ABCA13: variants seen among roughly 807,000 people sequenced by gnomAD.
The protein encoded by ABCA13 is ATP binding cassette subfamily A member 13, also known as ATP-binding cassette sub-family A member 13.
ABCA13 carries 476 observed loss-of-function variants against 478.7 expected under a neutral mutation model. That is an observed-to-expected ratio of 0.99 (90% CI 0.92 to 1.07). The LOEUF is 1.07. Ranked by LOEUF, ABCA13 falls within the 50% of genes least tolerant of loss-of-function variation. The pLI, the probability that ABCA13 is intolerant of heterozygous loss-of-function variation, is 0.00. For missense variants in ABCA13, 6,060 were observed against 5,910.6 expected (o/e 1.03, Z -0.83); for synonymous variants, 2,252 against 2,158.9 (o/e 1.04, Z -1.20).
At chr7:48,445,531 G>T (rs986775711) in intron 42 of ABCA13, among the ~76,000 whole-genome samples, 18 of 151,956 alleles carry the variant, frequency 1.2e-4, no homozygotes, top group African/African-American at 4.4e-4. Flanking sequence ...TCTTCTCCCT[G>T]CCTGGAATGC....
At chr7:48,529,406 G>A (rs1230127566) in intron 55 of ABCA13, among the ~76,000 whole-genome samples, 1 of 152,042 alleles carries the variant, frequency 6.6e-6, no homozygotes, top group Non-Finnish European at 1.5e-5. Context: ...AAGGCCCCAG[G>A]CATCTATCTT....
rs1301607990 is a variant in ABCA13 at position 48,466,960 on chromosome 7, G to C, written c.12820G>C (p.Gly4274Arg). The part of the protein sequence containing the change: ...QRAETYFFSS[G>R]GDNLDLTRVL... ...TTGTCTCACAATGAACAGCAGCAGT[G>C]GGGGCGACAACTTGGACCTCACCCG... The change falls in exon 44 of 62, where the codon GGG becomes CGG. Residue 4274 changes from glycine to arginine, a missense_variant. Gly to Arg is a moderately radical substitution (Grantham distance 125). Coordinates refer to ENST00000435803, the MANE Select transcript of ABCA13 (RefSeq NM_152701.5). 1.9e-6 allele frequency: 3 copies of C among 1,613,724 alleles called. No individual in the cohort carries two copies. The highest frequency in any genetic ancestry group is 1.1e-5 in the South Asian group (1 of 91,076).
chr7:48,297,977 G>A (rs181282383), intron 22 of ABCA13, among the ~76,000 whole-genome samples: 1,564 of 150,452 alleles, frequency 0.01, 13 homozygotes, highest in Admixed American at 0.022. Flanking sequence ...GTAGAGACAG[G>A]GTTTCACCAT....
At chr7:48,253,959 G>T (rs2128704526) in intron 15 of ABCA13, among the ~76,000 whole-genome samples, 1 of 151,512 alleles carries the variant, frequency 6.6e-6, no homozygotes, top group South Asian at 2.1e-4. Flanking sequence ...GTTCGTGTGT[G>T]TGTCCCAAAT....
intron 45 of ABCA13, among the ~76,000 whole-genome samples, chr7:48,475,539 C>T (rs1029429362): frequency 1.5e-5 from 2 of 137,454 alleles, no homozygotes; most frequent in Non-Finnish European, 3.2e-5. Flanking sequence ...GATCTCGACT[C>T]ACTGCCACCT....
At chr7:48,235,595 C>T (rs926734741) in intron 8 of ABCA13, among the ~76,000 whole-genome samples, 29 of 152,194 alleles carry the variant, frequency 1.9e-4, no homozygotes, top group African/African-American at 6.8e-4. Flanking sequence ...GGTCAGATGC[C>T]TGAAATGGTC....
intron 15 of ABCA13, among the ~76,000 whole-genome samples, chr7:48,255,407 C>T (rs892100052): frequency 2.0e-5 from 3 of 152,138 alleles, no homozygotes; most frequent in African/African-American, 7.2e-5. Context: ...GATCCCATCA[C>T]CCAGGTAGTG....
intron 42 of ABCA13, among the ~76,000 whole-genome samples, chr7:48,449,457 C>A (rs1408665310): frequency 6.6e-6 from 1 of 152,090 alleles, no homozygotes; most frequent in Non-Finnish European, 1.5e-5. Context: ...TATACCAGAA[C>A]AAAGATTGAA....
chr7:48,533,627 C>G (rs1195290697), intron 55 of ABCA13, among the ~76,000 whole-genome samples: 1 of 151,940 alleles, frequency 6.6e-6, no homozygotes, highest in Non-Finnish European at 1.5e-5. Flanking sequence ...TGCTATCTGT[C>G]TCATTTTTTA....
At chr7:48,537,084 A>C (rs1254436441) in intron 55 of ABCA13, among the ~76,000 whole-genome samples, 1 of 151,988 alleles carries the variant, frequency 6.6e-6, no homozygotes, top group African/African-American at 2.4e-5. Flanking sequence ...TATTTTCCAG[A>C]TTCTGACTTT....
intron 48 of ABCA13, among the ~76,000 whole-genome samples, chr7:48,502,189 A>G (rs1830813462): frequency 1.3e-5 from 2 of 152,230 alleles, no homozygotes; most frequent in South Asian, 4.1e-4. Flanking sequence ...TTGGGGAATT[A>G]CTAACTACAG....
intron 42 of ABCA13, among the ~76,000 whole-genome samples, chr7:48,454,580 G>C (rs1487631432): frequency 6.6e-6 from 1 of 152,144 alleles, no homozygotes; most frequent in Non-Finnish European, 1.5e-5. Flanking sequence ...AAGGCGCCGG[G>C]AGGAGCGGGG....
chr7:48,316,536 T>A (rs1195965109), intron 26 of ABCA13, among the ~76,000 whole-genome samples: 3 of 152,222 alleles, frequency 2.0e-5, no homozygotes, highest in African/African-American at 7.2e-5. Flanking sequence ...TGAGAGCTGC[T>A]GAAAACTATA....
chr7:48,376,648 A>G (rs1031216591), intron 35 of ABCA13, 76 bp downstream of exon 35: 13 of 1,427,130 alleles, frequency 9.1e-6, no homozygotes, highest in African/African-American at 2.9e-5. Flanking sequence ...AAATATTAGA[A>G]TAATCACTTA....
chr7:48,358,624 A>C (rs544881241), intron 31 of ABCA13, among the ~76,000 whole-genome samples: 1 of 152,128 alleles, frequency 6.6e-6, no homozygotes, highest in South Asian at 2.1e-4. Context: ...TATGACACAC[A>C]TTCTATGCTG....
At chr7:48,489,154 G>A (rs989972709) in intron 47 of ABCA13, 82 bp from the exon 48 acceptor site, 22 of 1,166,052 alleles carry the variant, frequency 1.9e-5, no homozygotes, top group African/African-American at 3.1e-5. Context: ...TGACACATAC[G>A]TTCCTTAAAT....
Position 48,325,706 on chromosome 7 carries a change from A to G in ABCA13, c.9999+8410A>G, listed in dbSNP as rs145720629. Among the ~76,000 whole-genome samples the G allele has an allele frequency of 9.6e-3, 1,460 of 152,314 alleles. 13 individuals are homozygous for G. Among genetic ancestry groups the G allele is most frequent in the Middle Eastern group, 0.051 (15 of 294 alleles). On this transcript the variant is annotated intron_variant, in intron 27 of 61. Transcript: ENST00000435803. Reference sequence around the variant, plus strand: ...ATTACTATAAAAAGGCATTAGAGTAATGGTGGATTGGTTATCAACAGTGAA... The same window carrying G: ...ATTACTATAAAAAGGCATTAGAGTAGTGGTGGATTGGTTATCAACAGTGAA...
chr7:48,507,699 A>C (rs920362716), intron 49 of ABCA13, among the ~76,000 whole-genome samples, 173 bp from the exon 50 acceptor site: 1 of 152,244 alleles, frequency 6.6e-6, no homozygotes. Flanking sequence ...CCATGTCTCA[A>C]AAGGTGGCTG....
At chr7:48,394,399 G>A (rs191399294) in intron 38 of ABCA13, among the ~76,000 whole-genome samples, 92 of 152,272 alleles carry the variant, frequency 6.0e-4, no homozygotes, top group African/African-American at 1.9e-3. Context: ...GATGGGCTCC[G>A]TGTGTAGCCT....
Sources: allele counts gnomAD v4.1 joint callset (sites outside exome capture counted in the v4.1 genomes callset), GRCh38; gene constraint gnomAD v4.1.1; transcripts MANE v1.5; gene names NCBI Gene and HGNC (gene_info 2026-07-23, HGNC 2026-07-21).